Variants in IQCM observed in about 807,000 individuals in gnomAD.
IQCM encodes IQ motif containing M.
IQCM carries 45 observed loss-of-function variants against 57.6 expected under a neutral mutation model. The observed-to-expected ratio is 0.78, with a 90% CI of 0.62 to 1.00. The LOEUF (loss-of-function observed/expected upper bound fraction) is 1.00. Among genes scored for constraint, IQCM ranks in the 50% least tolerant of loss-of-function variants. IQCM has a pLI of 0.00. For missense variants in IQCM, 468 were observed against 511.6 expected (o/e 0.91, Z 0.82); for synonymous variants, 148 against 158.9 (o/e 0.93, Z 0.51).
chr4:149,681,238 T>A (rs1422907482), intron 7 of IQCM, among the ~76,000 whole-genome samples: 4 of 151,282 alleles, frequency 2.6e-5, no homozygotes, highest in Non-Finnish European at 5.9e-5. Flanking sequence ...ATATTCAATT[T>A]TAGAATCAGT....
At chr4:149,654,810 T>C (rs1042897684) in intron 7 of IQCM, among the ~76,000 whole-genome samples, 1 of 152,202 alleles carries the variant, frequency 6.6e-6, no homozygotes, top group Non-Finnish European at 1.5e-5. Flanking sequence ...GTGGCCAGTA[T>C]GATTTAAGAT....
In IQCM at chr4:149,429,075, C is replaced by T. The variant is rs139951181; in HGVS notation, c.1390+4321G>A. Among the ~76,000 whole-genome samples the T allele has an allele frequency of 9.9e-3, 1,500 of 151,964 alleles. 10 individuals are homozygous for T. Among genetic ancestry groups the T allele is most frequent in the Admixed American group, 0.015 (235 of 15,220 alleles). ...AAAGATAATAGCTAATCCACCCCTTCAAGGTATCTCCATTAGAATTCCAAG... is the reference window on the plus strand; with the variant it reads ...AAAGATAATAGCTAATCCACCCCTTTAAGGTATCTCCATTAGAATTCCAAG... On this transcript the variant is annotated intron_variant, in intron 13 of 13. Coordinates refer to ENST00000636793, the MANE Select transcript of IQCM (RefSeq NM_001363507.2).
intron 12 of IQCM, among the ~76,000 whole-genome samples, chr4:149,481,709 T>TTTTTGTTTTTTGTTTG (rs1560896039): frequency 7.5e-6 from 1 of 133,058 alleles, no homozygotes; most frequent in Non-Finnish European, 1.6e-5. Flanking sequence ...TTGTTTTTTT[T>TTTTTGTTTTTTGTTTG]TTTTTTTTTT....
intron 12 of IQCM, among the ~76,000 whole-genome samples, chr4:149,532,342 A>G (rs2149854889): frequency 6.6e-6 from 1 of 152,218 alleles, no homozygotes; most frequent in Non-Finnish European, 1.5e-5. Context: ...TTGGCAAGAG[A>G]CCTACAAGAG....
Position 149,451,370 on chromosome 4 carries a change from T to C in IQCM, c.1229-17813A>G, listed in dbSNP as rs74760906. ...AGTTTGTAACACAAAGCATAAATAC[T>C]TAAGGGGATGGATACACCATTTTGT... On this transcript the variant is annotated intron_variant, in intron 12 of 13. Coordinates refer to ENST00000636793, the MANE Select transcript of IQCM (RefSeq NM_001363507.2). 2.5e-3 allele frequency among the ~76,000 whole-genome samples: 379 copies of C among 151,928 alleles called. 1 individual carries two copies. Among genetic ancestry groups the C allele is most frequent in the African/African-American group, 8.6e-3 (358 of 41,526 alleles).
chr4:149,410,337 A>G (rs1430669704), intron 13 of IQCM, among the ~76,000 whole-genome samples: 1 of 152,118 alleles, frequency 6.6e-6, no homozygotes, highest in Non-Finnish European at 1.5e-5. Flanking sequence ...ATATTTATAT[A>G]GCAAACAAGG....
At chr4:149,749,490 T>C (rs1768229745) in intron 2 of IQCM, among the ~76,000 whole-genome samples, 1 of 152,092 alleles carries the variant, frequency 6.6e-6, no homozygotes, top group South Asian at 2.1e-4. Context: ...CCAAACTTAC[T>C]AATGACAATA....
intron 9 of IQCM, among the ~76,000 whole-genome samples, chr4:149,572,509 A>T (rs2149962771): frequency 6.6e-6 from 1 of 151,902 alleles, no homozygotes; most frequent in South Asian, 2.1e-4. Context: ...TCTTTCACTT[A>T]ATTTCAAATT....
At chr4:149,388,519 A>G (rs1445223197) in intron 13 of IQCM, among the ~76,000 whole-genome samples, 1 of 139,100 alleles carries the variant, frequency 7.2e-6, no homozygotes, top group East Asian at 2.0e-4. Flanking sequence ...TTATACATAT[A>G]TATTATATAT....
At chr4:149,765,385 T>C (rs923016554) in intron 2 of IQCM, among the ~76,000 whole-genome samples, 1 of 152,178 alleles carries the variant, frequency 6.6e-6, no homozygotes, top group Non-Finnish European at 1.5e-5. Flanking sequence ...AGAATCTCTG[T>C]GCTTATGAAA....
At chr4:149,592,600 T>G (rs1363856212) in intron 8 of IQCM, among the ~76,000 whole-genome samples, 3 of 151,864 alleles carry the variant, frequency 2.0e-5, no homozygotes, top group African/African-American at 7.2e-5. Context: ...GGTCTAACAT[T>G]TAAGTCTTTA....
At chr4:149,542,712 C>A (rs1241810529) in intron 12 of IQCM, among the ~76,000 whole-genome samples, 1 of 151,910 alleles carries the variant, frequency 6.6e-6, no homozygotes, top group African/African-American at 2.4e-5. Context: ...TAAACATTTT[C>A]AAAATGAAGA....
chr4:149,352,426 A>G (rs1728642543), intron 13 of IQCM, among the ~76,000 whole-genome samples: 1 of 152,200 alleles, frequency 6.6e-6, no homozygotes, highest in Non-Finnish European at 1.5e-5. Context: ...GAAAGGTAAA[A>G]CTTGAATTTG....
chr4:149,630,602 T>A (rs1757182255), intron 7 of IQCM, among the ~76,000 whole-genome samples: 1 of 152,234 alleles, frequency 6.6e-6, no homozygotes, highest in African/African-American at 2.4e-5. Flanking sequence ...GTTTATCGTG[T>A]ATTGATATAT....
rs891095574 is a variant in IQCM, at chr4:149,699,722, G to T, written c.386-13254C>A. ...AAAAAAAAAAAAAAAAAAAAAAAAAGCCATGGAAGTTAAAGACAGAGACCT... is the reference window on the plus strand; with the variant it reads ...AAAAAAAAAAAAAAAAAAAAAAAAATCCATGGAAGTTAAAGACAGAGACCT... On this transcript the variant is annotated intron_variant, in intron 5 of 13. Coordinates refer to ENST00000636793, the MANE Select transcript of IQCM (RefSeq NM_001363507.2). 2.3e-3 allele frequency among the ~76,000 whole-genome samples: 202 copies of T among 87,526 alleles called. 3 individuals carry two copies. Among genetic ancestry groups the T allele is most frequent in the African/African-American group, 8.8e-3 (196 of 22,222 alleles). 57.4% of individuals were successfully genotyped at this position (87,526 alleles called of 152,430 possible).
chr4:149,441,613 C>T (rs1473238276), intron 12 of IQCM, among the ~76,000 whole-genome samples: 13 of 152,180 alleles, frequency 8.5e-5, no homozygotes. Flanking sequence ...AGTCCAGAAG[C>T]CTTCTTTCCA....
At chr4:149,535,776 A>G (rs544885948) in intron 12 of IQCM, among the ~76,000 whole-genome samples, 1 of 152,200 alleles carries the variant, frequency 6.6e-6, no homozygotes, top group Non-Finnish European at 1.5e-5. Flanking sequence ...AGAATGGCAA[A>G]TTAGAGTAAC....
chr4:149,769,968 C>T (rs1350354841), intron 2 of IQCM, among the ~76,000 whole-genome samples: 1 of 151,586 alleles, frequency 6.6e-6, no homozygotes, highest in Non-Finnish European at 1.5e-5. Context: ...GCAAATTAAA[C>T]CTCAAGTAAG....
intron 2 of IQCM, among the ~76,000 whole-genome samples, chr4:149,792,420 C>G (rs1772717933): frequency 6.6e-6 from 1 of 152,040 alleles, no homozygotes; most frequent in South Asian, 2.1e-4. Flanking sequence ...ATAAAATTTT[C>G]AGGCAGGAGC....
Sources: gnomAD v4.1 joint callset for allele counts (sites outside exome capture counted in the v4.1 genomes callset) on GRCh38, gnomAD v4.1.1 for gene constraint, MANE v1.5 for transcripts, NCBI Gene and HGNC (gene_info 2026-07-23, HGNC 2026-07-21) for gene names.